The following CENPP variants were observed in gnomAD, a reference collection of about 807,000 sequenced individuals.
CENPP encodes centromere protein P.
CENPP carries 24 observed loss-of-function variants against 35.6 expected under a neutral mutation model. The observed-to-expected ratio is 0.67, with a 90% CI of 0.49 to 0.95. CENPP has a LOEUF of 0.95. Ranked by LOEUF, CENPP falls within the 40% of genes least tolerant of loss-of-function variation. The pLI, the probability that CENPP is intolerant of heterozygous loss-of-function variation, is 0.00. For synonymous variants in CENPP, 120 were observed against 125.5 expected, an observed-to-expected ratio of 0.96 and a Z score of 0.29; for missense variants, 332 against 345.3, an observed-to-expected ratio of 0.96 and a Z score of 0.31.
rs748699021 is a variant in CENPP, at chr9:92,615,065, A to C, written c.*1916A>C. 3.9e-5 allele frequency: 6 copies of C among 152,314 alleles called. No individual in the cohort carries two copies. Among genetic ancestry groups the C allele is most frequent in the Admixed American group, 6.5e-5 (1 of 15,286 alleles). The allele number at this position is 152,314 out of a possible 1,614,324, so 9.4% of individuals were successfully genotyped here. A position where few individuals can be genotyped will look rare whatever the true frequency, so the allele number is the denominator to read the frequency against. On this transcript the variant is annotated 3_prime_UTR_variant, in exon 8 of 8. Coordinates refer to ENST00000375587, the MANE Select transcript of CENPP (RefSeq NM_001012267.3). ...CCCGGCCACAGCAGCTCAGCCAGTC[A>C]CAGCTCCACCTCCAACTTCTACAGC...
At chr9:92,552,505 T>A (rs1218037760) in intron 5 of CENPP, among the ~76,000 whole-genome samples, 1 of 152,140 alleles carries the variant, frequency 6.6e-6, no homozygotes, top group Admixed American at 6.6e-5. Flanking sequence ...TGCCAACATC[T>A]ACTGTTTTTT....
chr9:92,396,644 AACCT>A (rs1422079938), intron 5 of CENPP, among the ~76,000 whole-genome samples: 4 of 151,570 alleles, frequency 2.6e-5, no homozygotes, highest in African/African-American at 9.7e-5. Context: ...GTTCACTGCA[AACCT>A]CGACCTCCTG....
rs80216324 is a variant in CENPP, at chr9:92,523,079, C to CTT, written c.565-88222_565-88221dup. On this transcript the variant is annotated intron_variant, in intron 5 of 7. Transcript: ENST00000375587. ...GAATTCTTCTATCAGAATCAAAAAA[C>CTT]TTTTTTTTTTTTTTAAATAGAGATG... Among the ~76,000 whole-genome samples the CTT allele has an allele frequency of 1.3e-4, 19 of 144,538 alleles. No homozygotes were observed. In the East Asian group the frequency reaches 1.8e-3, roughly 14 times the overall value. The allele number at this position is 144,538 out of a possible 152,430, so 94.8% of individuals were successfully genotyped here.
intron 5 of CENPP, among the ~76,000 whole-genome samples, chr9:92,477,014 G>A (rs1845735155): frequency 6.6e-6 from 1 of 152,220 alleles, no homozygotes; most frequent in African/African-American, 2.4e-5. Flanking sequence ...GGATTGGAAG[G>A]TAGAGAACAG....
chr9:92,409,171 T>C (rs1469714196), intron 5 of CENPP, among the ~76,000 whole-genome samples: 6 of 152,208 alleles, frequency 3.9e-5, no homozygotes, highest in Non-Finnish European at 7.3e-5. Context: ...TGTTATGATA[T>C]TTACACCTAG....
chr9:92,503,649 T>C (rs1379644843), intron 5 of CENPP, among the ~76,000 whole-genome samples: 1 of 152,238 alleles, frequency 6.6e-6, no homozygotes, highest in Non-Finnish European at 1.5e-5. Context: ...TGTTCTCTTG[T>C]TAGAATTCAG....
intron 5 of CENPP, among the ~76,000 whole-genome samples, chr9:92,450,337 G>C (rs1322950841): frequency 6.7e-6 from 1 of 148,244 alleles, no homozygotes; most frequent in Admixed American, 7.0e-5. Flanking sequence ...TGAGTGAGAA[G>C]ATGCGGTGTT....
intron 5 of CENPP, chr9:92,385,595 C>G: frequency 6.2e-7 from 1 of 1,602,198 alleles, no homozygotes; most frequent in Non-Finnish European, 8.5e-7. Context: ...GGTGTACTTT[C>G]ATTTATATGT....
intron 4 of CENPP, among the ~76,000 whole-genome samples, chr9:92,369,046 AAAAT>A (rs1317560936): frequency 2.0e-5 from 3 of 152,320 alleles, no homozygotes; most frequent in Admixed American, 1.3e-4. Context: ...ACTATCTCTA[AAAAT>A]AAATAAATGG....
chr9:92,335,991 A>G (rs1191730580), intron 2 of CENPP, among the ~76,000 whole-genome samples: 1 of 152,232 alleles, frequency 6.6e-6, no homozygotes, highest in Non-Finnish European at 1.5e-5. Context: ...CATCTTAACC[A>G]TAGTGAGTCT....
At chr9:92,505,471 T>C in intron 5 of CENPP, 1 of 1,333,996 alleles carries the variant, frequency 7.5e-7, no homozygotes, top group Non-Finnish European at 1.0e-6. Flanking sequence ...AAATATATTT[T>C]GTTGTAGTGT....
chr9:92,540,968 A>T (rs1167223756), intron 5 of CENPP, among the ~76,000 whole-genome samples: 2 of 151,890 alleles, frequency 1.3e-5, no homozygotes, highest in Admixed American at 6.5e-5. Context: ...TTTCTTTTTT[A>T]AAAAATGTAT....
intron 5 of CENPP, among the ~76,000 whole-genome samples, chr9:92,431,750 T>A (rs1017678946): frequency 3.9e-5 from 6 of 152,062 alleles, no homozygotes; most frequent in African/African-American, 1.4e-4. Flanking sequence ...AATTTTTGTA[T>A]TTTTAGTAGA....
At chr9:92,352,510 C>CATATATATATATAT (rs67070835) in intron 4 of CENPP, among the ~76,000 whole-genome samples, 854 of 50,292 alleles carry the variant, frequency 0.017, 55 homozygotes, top group African/African-American at 0.031. Context: ...TGTGTGTATA[C>CATATATATATATAT]ATATATATAT....
chr9:92,351,661 C>T (rs1001305626), intron 4 of CENPP, among the ~76,000 whole-genome samples: 5 of 152,044 alleles, frequency 3.3e-5, no homozygotes, highest in Non-Finnish European at 5.9e-5. Flanking sequence ...GATGGAGTCT[C>T]GCTCTGTCGC....
chr9:92,567,374 A>ATATATATATC (rs1491421626), intron 5 of CENPP, among the ~76,000 whole-genome samples: 297 of 22,150 alleles, frequency 0.013, 4 homozygotes, highest in Middle Eastern at 0.022. Flanking sequence ...CATAAGATAG[A>ATATATATATC]TATATATATA....
intron 5 of CENPP, among the ~76,000 whole-genome samples, chr9:92,577,700 G>C (rs1850317180): frequency 6.6e-6 from 1 of 152,108 alleles, no homozygotes; most frequent in Non-Finnish European, 1.5e-5. Flanking sequence ...TGCCCCTATA[G>C]TCCCAGCTAC....
intron 5 of CENPP, chr9:92,460,631 A>T: frequency 9.5e-7 from 1 of 1,053,494 alleles, no homozygotes; most frequent in Non-Finnish European, 1.4e-6. Flanking sequence ...CTATTTGTTT[A>T]CTTTTCAAGT....
At chr9:92,359,371 G>T (rs1841679456) in intron 4 of CENPP, among the ~76,000 whole-genome samples, 1 of 152,004 alleles carries the variant, frequency 6.6e-6, no homozygotes, top group African/African-American at 2.4e-5. Flanking sequence ...GGGTTTACAG[G>T]CTTGTTATTG....
Sources: allele counts gnomAD v4.1 joint callset (sites outside exome capture counted in the v4.1 genomes callset), GRCh38; gene constraint gnomAD v4.1.1; transcripts MANE v1.5; gene names NCBI Gene and HGNC (gene_info 2026-07-23, HGNC 2026-07-21).